SLCO3A1: variants seen among roughly 807,000 people sequenced by gnomAD.
SLCO3A1 encodes the protein solute carrier organic anion transporter family member 3A1.
In SLCO3A1, 27 loss-of-function variants were observed where a neutral mutation model predicts 63.1. That is an observed-to-expected ratio of 0.43 (90% CI 0.32 to 0.59). The LOEUF is 0.59. Among genes scored for constraint, SLCO3A1 ranks in the 20% least tolerant of loss-of-function variants. SLCO3A1 has a pLI of 0.09. For missense variants in SLCO3A1, 773 were observed against 945.8 expected, an observed-to-expected ratio of 0.82 and a Z score of 2.40; for synonymous variants, 473 against 409.9, an observed-to-expected ratio of 1.15 and a Z score of -1.86.
rs867354919 is a variant in SLCO3A1 at position 91,873,545 on chromosome 15, C to T, written c.180+19457C>T. 8.1e-3 allele frequency among the ~76,000 whole-genome samples: 1,229 copies of T among 151,630 alleles called. 22 individuals are homozygous for T. Among genetic ancestry groups the T allele is most frequent in the African/African-American group, 0.029 (1,175 of 41,108 alleles). On this transcript the variant is annotated intron_variant, in intron 1 of 9. Transcript: ENST00000318445. ...AGCTACATTCATACACACACACACACACACACACACACACACACACATACA... is the reference window on the plus strand; with the variant it reads ...AGCTACATTCATACACACACACACATACACACACACACACACACACATACA...
At chr15:92,156,526 C>G (rs528558044) in intron 9 of SLCO3A1, among the ~76,000 whole-genome samples, 1 of 152,210 alleles carries the variant, frequency 6.6e-6, no homozygotes, top group Non-Finnish European at 1.5e-5. Flanking sequence ...CTGGGCCTTA[C>G]CAACTTTAAC....
intron 1 of SLCO3A1, among the ~76,000 whole-genome samples, chr15:91,867,686 C>T (rs1235407619): frequency 6.6e-6 from 1 of 152,170 alleles, no homozygotes. Flanking sequence ...ACTTCCCCTC[C>T]TGTTCTCCTT....
chr15:91,887,321 T>G (rs1294641843), intron 1 of SLCO3A1, among the ~76,000 whole-genome samples: 1 of 152,110 alleles, frequency 6.6e-6, no homozygotes, highest in Non-Finnish European at 1.5e-5. Flanking sequence ...CCTGCCTGAG[T>G]TTTGATGTCG....
chr15:92,067,099 C>T (rs760651177), intron 2 of SLCO3A1, among the ~76,000 whole-genome samples: 9 of 152,216 alleles, frequency 5.9e-5, no homozygotes, highest in Non-Finnish European at 1.2e-4. Flanking sequence ...GAGGACCAGT[C>T]TCACTGATGG....
At chr15:92,059,091 C>T (rs2047055611) in intron 2 of SLCO3A1, among the ~76,000 whole-genome samples, 1 of 152,200 alleles carries the variant, frequency 6.6e-6, no homozygotes, top group Non-Finnish European at 1.5e-5. Flanking sequence ...ACTGCTCTGT[C>T]ATGGTATATC....
intron 2 of SLCO3A1, among the ~76,000 whole-genome samples, chr15:91,927,910 C>T (rs1899087759): frequency 6.6e-6 from 1 of 152,186 alleles, no homozygotes; most frequent in Non-Finnish European, 1.5e-5. Flanking sequence ...AATCATTTCG[C>T]CAACCCTGGC....
chr15:91,954,848 C>T lies in SLCO3A1; in HGVS notation c.646+38390C>T, dbSNP rs1162972593. On this transcript the variant is annotated intron_variant, in intron 2 of 9. Coordinates refer to ENST00000318445, the MANE Select transcript of SLCO3A1 (RefSeq NM_013272.4). This position sits in a 1 kb window ranked among gnomAD's most constrained non-coding sequence, Gnocchi z 4.7. Reference sequence around the variant, plus strand: ...CATACCCTGAACCGCCCCCCGTGGTCTCCCGCTGCTTTCTGCCACTGCCCA... The same window carrying T: ...CATACCCTGAACCGCCCCCCGTGGTTTCCCGCTGCTTTCTGCCACTGCCCA... 1.3e-5 allele frequency among the ~76,000 whole-genome samples: 2 copies of T among 152,102 alleles called. No individual in the cohort carries two copies. The highest frequency in any genetic ancestry group is 4.8e-5 in the African/African-American group (2 of 41,408).
chr15:92,148,263 A>ACAGATTC (rs2048256406), intron 8 of SLCO3A1, among the ~76,000 whole-genome samples: 1 of 152,204 alleles, frequency 6.6e-6, no homozygotes, highest in Non-Finnish European at 1.5e-5. Flanking sequence ...ATCCAAGTGA[A>ACAGATTC]CAGATTCAAT....
chr15:91,929,504 A>G (rs748900098), intron 2 of SLCO3A1, among the ~76,000 whole-genome samples: 32 of 152,296 alleles, frequency 2.1e-4, no homozygotes, highest in Admixed American at 5.9e-4. Flanking sequence ...TTATGATGAC[A>G]GGTTCATATT....
intron 2 of SLCO3A1, among the ~76,000 whole-genome samples, chr15:91,974,283 A>ATTATTATTG (rs1901008637): frequency 6.7e-6 from 1 of 149,208 alleles, no homozygotes; most frequent in African/African-American, 2.4e-5. Flanking sequence ...TATTATTATT[A>ATTATTATTG]TTATTATTAT....
At chr15:92,038,883 A>G (rs1260401392) in intron 2 of SLCO3A1, among the ~76,000 whole-genome samples, 3 of 152,222 alleles carry the variant, frequency 2.0e-5, no homozygotes, top group Non-Finnish European at 4.4e-5. Flanking sequence ...CCAAAACAGC[A>G]TGGTACTGGT....
intron 2 of SLCO3A1, among the ~76,000 whole-genome samples, chr15:92,013,106 C>T (rs1320874654): frequency 6.6e-6 from 1 of 152,180 alleles, no homozygotes; most frequent in Non-Finnish European, 1.5e-5. Flanking sequence ...AGAAAGGAAG[C>T]CTGTGTGCAG....
chr15:92,089,302 A>G (rs1983349), intron 2 of SLCO3A1, among the ~76,000 whole-genome samples: 109,304 of 152,022 alleles, frequency 0.72, 39,414 homozygotes, highest in Admixed American at 0.8. Context: ...CTGGGATTAC[A>G]GGCGTGAGCC....
At chr15:92,045,126 A>T (rs1246235706) in intron 2 of SLCO3A1, among the ~76,000 whole-genome samples, 1 of 152,096 alleles carries the variant, frequency 6.6e-6, no homozygotes. Context: ...TAAAAATACA[A>T]AAAATTAGCT....
At chr15:91,944,843 CT>C (rs976790472) in intron 2 of SLCO3A1, among the ~76,000 whole-genome samples, 1 of 152,118 alleles carries the variant, frequency 6.6e-6, no homozygotes, top group Non-Finnish European at 1.5e-5. Context: ...CTCTCCCCCT[CT>C]TTTTTTGGGT....
intron 9 of SLCO3A1, among the ~76,000 whole-genome samples, chr15:92,160,375 T>C (rs2048421018): frequency 6.6e-6 from 1 of 152,118 alleles, no homozygotes; most frequent in African/African-American, 2.4e-5. Flanking sequence ...AGTTGGCTCT[T>C]TCAACTGGAG....
chr15:92,085,245 C>G (rs957782381), intron 2 of SLCO3A1, among the ~76,000 whole-genome samples: 7 of 152,206 alleles, frequency 4.6e-5, no homozygotes, highest in Non-Finnish European at 8.8e-5. Flanking sequence ...GGCTTCCCTG[C>G]TGTAAGTTTT....
At chr15:91,898,407 T>C (rs1898063662) in intron 1 of SLCO3A1, among the ~76,000 whole-genome samples, 1 of 152,260 alleles carries the variant, frequency 6.6e-6, no homozygotes, top group African/African-American at 2.4e-5. Context: ...GTGTCTCTCT[T>C]GGCTTTCAGC....
In SLCO3A1 at chr15:92,141,225, T is replaced by C. The variant is rs141463995; in HGVS notation, c.1513-5759T>C. ...AGGGACTGCATTTCTTCCCAGAGAA[T>C]GGCAAACCAGGAAGACACTGCTTTG... On this transcript the variant is annotated intron_variant, in intron 7 of 9. Coordinates refer to ENST00000318445, the MANE Select transcript of SLCO3A1 (RefSeq NM_013272.4). 9.8e-5 allele frequency among the ~76,000 whole-genome samples: 15 copies of C among 152,310 alleles called. No homozygotes were observed. In the East Asian group the frequency reaches 2.9e-3, roughly 29 times the overall value.
Sources: allele counts gnomAD v4.1 joint callset (sites outside exome capture counted in the v4.1 genomes callset), GRCh38; gene constraint gnomAD v4.1.1; non-coding constraint Gnocchi (gnomAD v3.1); transcripts MANE v1.5; gene names NCBI Gene and HGNC (gene_info 2026-07-23, HGNC 2026-07-21).